PRRC1: variants seen among roughly 807,000 people sequenced by gnomAD.
PRRC1 encodes protein PRRC1.
PRRC1 carries 39 observed loss-of-function variants against 40.7 expected under a neutral mutation model. The observed-to-expected ratio is 0.96, with a 90% CI of 0.74 to 1.25. PRRC1 has a LOEUF of 1.25. Among genes scored for constraint, PRRC1 ranks in the 50% most tolerant of loss-of-function variants. PRRC1 has a pLI of 0.00. For missense variants in PRRC1, 573 were observed against 548.3 expected, an observed-to-expected ratio of 1.05 and a Z score of -0.45; for synonymous variants, 175 against 193.3, an observed-to-expected ratio of 0.91 and a Z score of 0.79.
At chr5:127,531,390 AGTT>A (rs1767765998) in intron 5 of PRRC1, among the ~76,000 whole-genome samples, 1 of 152,004 alleles carries the variant, frequency 6.6e-6, no homozygotes, top group Admixed American at 6.6e-5. Context: ...AAATCAACTG[AGTT>A]GTTCTTTGTG....
In PRRC1 at chr5:127,552,233, C is replaced by A; in HGVS notation, c.*317C>A. Reference sequence around the variant, plus strand: ...ATGTGCAGAGACATTTAACTTAATGCCATGTACTTGATTATTTTGTTCTTT... The same window carrying A: ...ATGTGCAGAGACATTTAACTTAATGACATGTACTTGATTATTTTGTTCTTT... On this transcript the variant is annotated 3_prime_UTR_variant, in exon 9 of 9. Coordinates refer to ENST00000296666, the MANE Select transcript of PRRC1 (RefSeq NM_130809.5). The A allele has an allele frequency of 9.2e-7, 1 of 1,081,186 alleles. No homozygotes were observed. The highest frequency in any genetic ancestry group is 1.7e-5 in the African/African-American group (1 of 60,568). 67.0% of individuals were successfully genotyped at this position (1,081,186 alleles called of 1,614,324 possible). A position where few individuals can be genotyped will look rare whatever the true frequency, so the allele number is the denominator to read the frequency against.
At chr5:127,542,817 A>C (rs1768088297) in intron 7 of PRRC1, among the ~76,000 whole-genome samples, 3 of 150,726 alleles carry the variant, frequency 2.0e-5, no homozygotes, top group Admixed American at 6.6e-5. Flanking sequence ...ATGGGTCTTG[A>C]CTCTTTATCC....
At chr5:127,551,422 CTTA>C (rs1282500968) in intron 8 of PRRC1, 19 of 340,440 alleles carry the variant, frequency 5.6e-5, no homozygotes, top group Non-Finnish European at 8.7e-5. Flanking sequence ...TAGTACCAAT[CTTA>C]TTATTAACCT....
intron 5 of PRRC1, among the ~76,000 whole-genome samples, chr5:127,533,331 A>G (rs930629355): frequency 1.3e-5 from 2 of 152,170 alleles, no homozygotes; most frequent in East Asian, 1.9e-4. Context: ...TCCGTGGAGT[A>G]TACTAAATAT....
In PRRC1 at chr5:127,537,838, A is replaced by G. The variant is rs185544865; in HGVS notation, c.922-1202A>G. ...GGCAAATTTGTAACATCTGGTATAAATAACTAAGTTCATCTTATCTGTTAA... is the reference window on the plus strand; with the variant it reads ...GGCAAATTTGTAACATCTGGTATAAGTAACTAAGTTCATCTTATCTGTTAA... On this transcript the variant is annotated intron_variant, in intron 6 of 8. Transcript: ENST00000296666. Among the ~76,000 whole-genome samples the G allele has an allele frequency of 3.6e-4, 55 of 152,142 alleles. No individual in the cohort carries two copies. The East Asian group carries it at 7.7e-3, about 21-fold the overall frequency.
chr5:127,539,791 T>G (rs1767991160), intron 7 of PRRC1, among the ~76,000 whole-genome samples: 1 of 152,130 alleles, frequency 6.6e-6, no homozygotes, highest in African/African-American at 2.4e-5. Context: ...ATGCAAAATA[T>G]ATCCTCCAAC....
intron 5 of PRRC1, among the ~76,000 whole-genome samples, chr5:127,532,258 G>A (rs1418022243): frequency 5.3e-5 from 8 of 151,906 alleles, no homozygotes. Flanking sequence ...ACAGGTGCAC[G>A]CCACCATGCC....
At position 127,552,790 on chromosome 5, in the gene PRRC1, G is replaced by T; in HGVS notation, c.*874G>T. 1.0e-6 allele frequency: 1 copy of T among 985,360 alleles called. No homozygotes were observed. Among genetic ancestry groups the T allele is most frequent in the Non-Finnish European group, 1.2e-6 (1 of 829,608 alleles). 61.0% of individuals were successfully genotyped at this position (985,360 alleles called of 1,614,324 possible). A position where few individuals can be genotyped will look rare whatever the true frequency, so the allele number is the denominator to read the frequency against. On this transcript the variant is annotated 3_prime_UTR_variant, in exon 9 of 9. Transcript: ENST00000296666. ...TTTTAATACAGAAATTTTTGAGAGG[G>T]GGTTACTTTATTGCTTGTGGGTTAG...
rs1000525760 is a variant in PRRC1 at position 127,554,639 on chromosome 5, C to T, written c.*2723C>T. 2.6e-5 allele frequency: 4 copies of T among 152,434 alleles called. No individual in the cohort carries two copies. Among genetic ancestry groups the T allele is most frequent in the African/African-American group, 7.2e-5 (3 of 41,438 alleles). The allele number at this position is 152,434 out of a possible 1,614,324, so 9.4% of individuals were successfully genotyped here. ...GTTTAGGCAGTGCTAGTAATTTCCT[C>T]GTAATGATTCTGTTATTACTTTCCT... is the stretch of plus-strand genomic sequence containing the variant. On this transcript the variant is annotated 3_prime_UTR_variant, in exon 9 of 9. Transcript: ENST00000296666.
intron 6 of PRRC1, among the ~76,000 whole-genome samples, chr5:127,537,553 GT>G (rs1244483888): frequency 1.3e-5 from 2 of 151,908 alleles, no homozygotes; most frequent in African/African-American, 4.8e-5. Flanking sequence ...TTAATTAAAT[GT>G]TTTGTGAATC....
chr5:127,548,168 C>T, intron 8 of PRRC1: 2 of 532,510 alleles, frequency 3.8e-6, no homozygotes, highest in East Asian at 5.9e-5. Context: ...TTATTTCTCT[C>T]ATTTTTTTCT....
At chr5:127,520,748 T>C (rs1294153952) in intron 1 of PRRC1, among the ~76,000 whole-genome samples, 1 of 152,140 alleles carries the variant, frequency 6.6e-6, no homozygotes, top group Non-Finnish European at 1.5e-5. Flanking sequence ...TACGAGATTG[T>C]GCATATGATG....
chr5:127,545,940 A>G (rs75080856), intron 7 of PRRC1, among the ~76,000 whole-genome samples: 1,610 of 151,978 alleles, frequency 0.011, 26 homozygotes, highest in African/African-American at 0.037. Context: ...TGCTCTCATA[A>G]TTATTTTTTG....
At chr5:127,551,513 T>C (rs1768381039) in intron 8 of PRRC1, 194 bp from the exon 9 acceptor site, 4 of 588,578 alleles carry the variant, frequency 6.8e-6, no homozygotes, top group African/African-American at 3.7e-5. Context: ...TTTTAAAAAA[T>C]AGATGTGTGT....
At chr5:127,549,107 A>T (rs1028018100) in intron 8 of PRRC1, 2 of 152,100 alleles carry the variant, frequency 1.3e-5, no homozygotes, top group Admixed American at 6.6e-5. Context: ...TGTCAGTTTC[A>T]TATGATTCAG....
At chr5:127,540,867 C>T (rs188997901) in intron 7 of PRRC1, among the ~76,000 whole-genome samples, 10 of 151,926 alleles carry the variant, frequency 6.6e-5, no homozygotes, top group Admixed American at 1.3e-4. Flanking sequence ...GAATATGTTG[C>T]GAAAATTTTC....
chr5:127,541,252 G>C (rs1446188363), intron 7 of PRRC1, among the ~76,000 whole-genome samples: 1 of 152,192 alleles, frequency 6.6e-6, no homozygotes, highest in African/African-American at 2.4e-5. Context: ...TAAGCTCTTT[G>C]ATGTGCTGCT....
rs890125017 is a variant in PRRC1 at position 127,552,650 on chromosome 5, A to G, written c.*734A>G. On this transcript the variant is annotated 3_prime_UTR_variant, in exon 9 of 9. Coordinates refer to ENST00000296666, the MANE Select transcript of PRRC1 (RefSeq NM_130809.5). Reference sequence around the variant, plus strand: ...TGACAGCTAAGGGGCAAATGATTCAAGTATATTTTAAATCAGAAGTATTCA... The same window carrying G: ...TGACAGCTAAGGGGCAAATGATTCAGGTATATTTTAAATCAGAAGTATTCA... The G allele has an allele frequency of 2.8e-5, 27 of 978,282 alleles. No individual in the cohort carries two copies. Among genetic ancestry groups the G allele is most frequent in the Admixed American group, 6.1e-5 (1 of 16,268 alleles). The allele number at this position is 978,282 out of a possible 1,614,324, so 60.6% of individuals were successfully genotyped here. A position where few individuals can be genotyped will look rare whatever the true frequency, so the allele number is the denominator to read the frequency against.
At chr5:127,546,607 T>C (rs1413769171) in intron 7 of PRRC1, among the ~76,000 whole-genome samples, 5 of 152,202 alleles carry the variant, frequency 3.3e-5, no homozygotes, top group Admixed American at 6.5e-5. Context: ...CAGTCTGAGC[T>C]GAGTCAAGTC....
Sources: gnomAD v4.1 joint callset for allele counts (sites outside exome capture counted in the v4.1 genomes callset) on GRCh38, gnomAD v4.1.1 for gene constraint, MANE v1.5 for transcripts, NCBI Gene and HGNC (gene_info 2026-07-23, HGNC 2026-07-21) for gene names.